Variants in TMEM39B observed in about 807,000 individuals in gnomAD.
The protein encoded by TMEM39B is transmembrane protein 39B.
In TMEM39B, 23 loss-of-function variants were observed where a neutral mutation model predicts 52.2. The observed-to-expected ratio is 0.44, with a 90% CI of 0.32 to 0.62. The LOEUF (loss-of-function observed/expected upper bound fraction) is 0.62, where lower values mean the gene tolerates loss of function less well. TMEM39B is among the 20% of genes least tolerant of loss of function. TMEM39B has a pLI of 0.06. For synonymous variants in TMEM39B, 285 were observed against 264.0 expected (o/e 1.08, Z -0.77); for missense variants, 547 against 642.0 (o/e 0.85, Z 1.60).
At chr1:32,077,753 T>C (rs1244556847) in intron 5 of TMEM39B, among the ~76,000 whole-genome samples, 2 of 152,166 alleles carry the variant, frequency 1.3e-5, no homozygotes, top group African/African-American at 4.8e-5. Context: ...TGCATGTCTC[T>C]GTGTGGGTGT....
At chr1:32,090,065 C>T (rs556328660) in intron 5 of TMEM39B, among the ~76,000 whole-genome samples, 2 of 151,906 alleles carry the variant, frequency 1.3e-5, no homozygotes, top group South Asian at 4.2e-4. Context: ...TGTGATCAGC[C>T]CTAACTCCTG....
chr1:32,085,363 T>C (rs182077802), intron 5 of TMEM39B, among the ~76,000 whole-genome samples: 1 of 152,298 alleles, frequency 6.6e-6, no homozygotes, highest in African/African-American at 2.4e-5. Context: ...TTCTAGCTTT[T>C]TTACTGAGAT....
intron 8 of TMEM39B, among the ~76,000 whole-genome samples, chr1:32,100,900 G>A (rs533443758): frequency 2.2e-4 from 33 of 152,002 alleles, no homozygotes; most frequent in African/African-American, 7.5e-4. Flanking sequence ...GTATGGTGGC[G>A]GGCGCCTGTA....
intron 5 of TMEM39B, chr1:32,087,643 T>A (rs1227422515): frequency 6.7e-6 from 1 of 148,322 alleles, no homozygotes; most frequent in Non-Finnish European, 1.5e-5. Flanking sequence ...AATAATAATT[T>A]CATCTCTCTT....
At chr1:32,089,928 CTG>C (rs1212679866) in intron 5 of TMEM39B, among the ~76,000 whole-genome samples, 1 of 151,652 alleles carries the variant, frequency 6.6e-6, no homozygotes, top group African/African-American at 2.4e-5. Flanking sequence ...GCTCGGGAGA[CTG>C]AGGTGGGAGA....
intron 5 of TMEM39B, among the ~76,000 whole-genome samples, chr1:32,088,789 C>A (rs956823071): frequency 1.3e-5 from 2 of 151,608 alleles, no homozygotes; most frequent in Admixed American, 6.6e-5. Context: ...AAGCTGGAGA[C>A]CTTTGTATGT....
Position 32,102,624 on chromosome 1 carries a change from A to C in TMEM39B, c.1430A>C (p.Tyr477Ser). ...LRDRLVLGKA[Y>S]SYSASPQRDL... Reference sequence around the variant, plus strand: ...GACCGCTTGGTATTGGGCAAGGCCTACTCATACTCTGCTAGCCCCCAGAGA... The same window carrying C: ...GACCGCTTGGTATTGGGCAAGGCCTCCTCATACTCTGCTAGCCCCCAGAGA... The change falls in exon 9 of 9, where the codon TAC becomes TCC. Residue 477 changes from tyrosine to serine, a missense_variant. Physicochemically the swap from Tyr to Ser is moderately radical, Grantham distance 144. Coordinates refer to ENST00000336294, the MANE Select transcript of TMEM39B (RefSeq NM_018056.4). 1 of 1,611,720 alleles carries C rather than the reference A, an allele frequency of 6.2e-7. No individual in the cohort carries two copies. The highest frequency in any genetic ancestry group is 8.5e-7 in the Non-Finnish European group (1 of 1,178,670).
At chr1:32,091,385 A>G (rs1311381250) in intron 5 of TMEM39B, among the ~76,000 whole-genome samples, 1 of 152,210 alleles carries the variant, frequency 6.6e-6, no homozygotes. Context: ...TGTTGCTGTT[A>G]GTCATCCCTA....
At chr1:32,093,492 G>A (rs12144598) in intron 6 of TMEM39B, among the ~76,000 whole-genome samples, 4 of 132,964 alleles carry the variant, frequency 3.0e-5, no homozygotes, top group African/African-American at 1.1e-4. Context: ...GCTCACTGCA[G>A]CCTTTGCCTC....
chr1:32,088,108 A>C (rs1640444824), intron 5 of TMEM39B, among the ~76,000 whole-genome samples: 1 of 149,320 alleles, frequency 6.7e-6, no homozygotes, highest in South Asian at 2.2e-4. Flanking sequence ...CCTGGGTGAC[A>C]GAGCCAGACT....
intron 7 of TMEM39B, among the ~76,000 whole-genome samples, chr1:32,099,717 G>A (rs139206430): frequency 1.3e-5 from 2 of 152,174 alleles, no homozygotes; most frequent in Non-Finnish European, 2.9e-5. Context: ...AAATCCTTGG[G>A]GCCTTGACCC....
Position 32,076,852 on chromosome 1 carries a change from T to G in TMEM39B, c.435+6T>G. The G allele has an allele frequency of 1.2e-6, 2 of 1,614,048 alleles. No homozygotes were observed. Among genetic ancestry groups the G allele is most frequent in the South Asian group, 2.2e-5 (2 of 91,062 alleles). ...TTGGGTCCATCGTGAAGGAGGTGAT[T>G]GGGTCCTAGAGGCTGGCCAGGGACT... On this transcript the variant is annotated splice_donor_region_variant and intron_variant, in intron 4 of 8. Transcript: ENST00000336294.
intron 5 of TMEM39B, among the ~76,000 whole-genome samples, 162 bp from the exon 6 acceptor site, chr1:32,091,513 C>T (rs1469811892): frequency 1.3e-5 from 2 of 152,188 alleles, no homozygotes; most frequent in Admixed American, 6.5e-5. Flanking sequence ...GAGTGACTGG[C>T]CATTGGATGG....
intron 7 of TMEM39B, among the ~76,000 whole-genome samples, chr1:32,097,158 A>G (rs959202821): frequency 1.1e-4 from 16 of 152,082 alleles, no homozygotes. Flanking sequence ...ATATATACTC[A>G]TGTAACCCAC....
intron 5 of TMEM39B, among the ~76,000 whole-genome samples, chr1:32,086,097 C>T (rs564658447): frequency 6.6e-6 from 1 of 152,148 alleles, no homozygotes; most frequent in South Asian, 2.1e-4. Flanking sequence ...CATTAGAGAC[C>T]TCAATTCTCA....
chr1:32,073,596 G>A, intron 1 of TMEM39B: 1 of 988,408 alleles, frequency 1.0e-6, no homozygotes, highest in Non-Finnish European at 1.2e-6. Flanking sequence ...TCTAAAGAGA[G>A]GAGAGTGGGT....
At chr1:32,087,827 T>G (rs1166133014) in intron 5 of TMEM39B, 1 of 147,400 alleles carries the variant, frequency 6.8e-6, no homozygotes, top group Non-Finnish European at 1.5e-5. Context: ...TTTTTTGTAT[T>G]TTTAGTAGAG....
chr1:32,075,445 G>A (rs954326275), intron 2 of TMEM39B, among the ~76,000 whole-genome samples, 158 bp from the exon 3 acceptor site: 13 of 152,128 alleles, frequency 8.5e-5, no homozygotes, highest in African/African-American at 2.9e-4. Context: ...ATAGGAAAAG[G>A]CTTTGTCGGG....
rs769656874 is a variant in TMEM39B at position 32,077,211 on chromosome 1, C to T, written c.483C>T (p.Phe161=). The change falls in exon 5 of 9, where the codon TTC becomes TTT. Residue 161 remains phenylalanine, a synonymous_variant. Transcript: ENST00000336294. ...KVSLFRSILL[F]LTRFTVLTAT... is the part of the protein sequence containing the mutation. Reference sequence around the variant, plus strand: ...CCCTCTTTCGCTCCATCCTGCTGTTCCTCACTCGCTTCACCGTTCTCACGG... The same window carrying T: ...CCCTCTTTCGCTCCATCCTGCTGTTTCTCACTCGCTTCACCGTTCTCACGG... 13 of 1,614,166 alleles carry T rather than the reference C, an allele frequency of 8.1e-6. No homozygotes were observed. The highest frequency in any genetic ancestry group is 1.1e-5 in the Non-Finnish European group (13 of 1,180,020).
Sources: allele counts gnomAD v4.1 joint callset (sites outside exome capture counted in the v4.1 genomes callset), GRCh38; gene constraint gnomAD v4.1.1; transcripts MANE v1.5; gene names NCBI Gene and HGNC (gene_info 2026-07-23, HGNC 2026-07-21).